Variants in PRKG1 observed in about 807,000 individuals in gnomAD.
PRKG1 encodes the protein cGMP-dependent protein kinase 1.
In PRKG1, 35 loss-of-function variants were observed where a neutral mutation model predicts 88.1. That is an observed-to-expected ratio of 0.40 (90% CI 0.30 to 0.53). The LOEUF (loss-of-function observed/expected upper bound fraction) is 0.53, where lower values mean the gene tolerates loss of function less well. PRKG1 is among the 20% of genes least tolerant of loss of function. The pLI is 0.59. For synonymous variants in PRKG1, 303 were observed against 292.5 expected (o/e 1.04, Z -0.37); for missense variants, 540 against 839.8 (o/e 0.64, Z 4.41).
chr10:51,739,257 G>A (rs554179205), intron 3 of PRKG1, among the ~76,000 whole-genome samples: 1 of 151,948 alleles, frequency 6.6e-6, no homozygotes, highest in Non-Finnish European at 1.5e-5. Context: ...TGGTAAATAG[G>A]CAGATAATGG....
chr10:51,973,179 A>AG (rs1843750350), intron 5 of PRKG1, among the ~76,000 whole-genome samples: 1 of 152,178 alleles, frequency 6.6e-6, no homozygotes, highest in Admixed American at 6.5e-5. Context: ...CCATGGCTTC[A>AG]TTAGCACCTC....
chr10:51,809,013 G>C (rs559499475), intron 4 of PRKG1, among the ~76,000 whole-genome samples: 1 of 152,032 alleles, frequency 6.6e-6, no homozygotes, highest in East Asian at 1.9e-4. Flanking sequence ...GAATAAACAC[G>C]TAAGTTTGGA....
chr10:51,723,109 T>G (rs1842052073), intron 3 of PRKG1, among the ~76,000 whole-genome samples: 2 of 152,224 alleles, frequency 1.3e-5, no homozygotes, highest in Admixed American at 1.3e-4. Flanking sequence ...TTGTCATAAG[T>G]GGTCACCATA....
chr10:51,937,491 G>GT (rs1198639375), intron 5 of PRKG1, among the ~76,000 whole-genome samples: 2 of 151,964 alleles, frequency 1.3e-5, no homozygotes, highest in Admixed American at 6.6e-5. Context: ...TAAGAACTAA[G>GT]TCTTTGGTTA....
chr10:51,771,360 G>A (rs1226139278), intron 3 of PRKG1, among the ~76,000 whole-genome samples: 1 of 152,080 alleles, frequency 6.6e-6, no homozygotes, highest in Non-Finnish European at 1.5e-5. Context: ...CTTAAAAAAA[G>A]AGTTGTACCT....
intron 2 of PRKG1, among the ~76,000 whole-genome samples, chr10:51,206,689 C>T (rs1475414713): frequency 6.6e-6 from 1 of 152,166 alleles, no homozygotes; most frequent in African/African-American, 2.4e-5. Flanking sequence ...GATATTGATT[C>T]ATCTTTGCCT....
intron 4 of PRKG1, among the ~76,000 whole-genome samples, chr10:51,827,079 G>A (rs1156446887): frequency 6.6e-6 from 1 of 151,944 alleles, no homozygotes; most frequent in Non-Finnish European, 1.5e-5. Context: ...AAACATTAAG[G>A]GTACATCAAC....
At chr10:52,247,610 TC>T (rs906842583) in intron 9 of PRKG1, among the ~76,000 whole-genome samples, 1 of 152,164 alleles carries the variant, frequency 6.6e-6, no homozygotes, top group Non-Finnish European at 1.5e-5. Context: ...AATGAAAATG[TC>T]CCTCCCAGTT....
intron 2 of PRKG1, among the ~76,000 whole-genome samples, chr10:51,280,928 G>C (rs1271824616): frequency 6.6e-6 from 1 of 152,174 alleles, no homozygotes; most frequent in Non-Finnish European, 1.5e-5. Flanking sequence ...TCCTTTGGAG[G>C]GGGAGAGGTG....
At chr10:51,158,009 G>A (rs1846257425) in intron 2 of PRKG1, among the ~76,000 whole-genome samples, 1 of 151,744 alleles carries the variant, frequency 6.6e-6, no homozygotes, top group South Asian at 2.1e-4. Flanking sequence ...CATTTTCTTT[G>A]TGTTGGGAAC....
At chr10:51,072,680 G>A (rs901142938), upstream of PRKG1, among the ~76,000 whole-genome samples, 14 of 152,132 alleles carry the variant, frequency 9.2e-5, no homozygotes, top group Non-Finnish European at 1.2e-4. Context: ...GAAAAATGAA[G>A]TGTCTTGTGT....
chr10:52,212,407 T>G (rs1468082000), intron 9 of PRKG1, among the ~76,000 whole-genome samples: 4 of 152,164 alleles, frequency 2.6e-5, no homozygotes, highest in African/African-American at 9.7e-5. Flanking sequence ...TAACCTTAAT[T>G]TAACACTGGT....
At chr10:52,059,403 A>C (rs1846183192) in intron 6 of PRKG1, among the ~76,000 whole-genome samples, 1 of 147,792 alleles carries the variant, frequency 6.8e-6, no homozygotes, top group African/African-American at 2.5e-5. Context: ...TGCCAAAACT[A>C]GAAATAAACA....
chr10:52,084,060 G>A (rs966728155), intron 7 of PRKG1, among the ~76,000 whole-genome samples: 12 of 151,968 alleles, frequency 7.9e-5, no homozygotes, highest in Non-Finnish European at 1.5e-4. Context: ...AATATAGACA[G>A]GACTCTGGGG....
chr10:51,541,334 T>C (rs989219337), intron 3 of PRKG1, among the ~76,000 whole-genome samples: 7 of 152,208 alleles, frequency 4.6e-5, no homozygotes, highest in African/African-American at 1.7e-4. Flanking sequence ...TCTCCTGCTG[T>C]GCAGTCCAGT....
intron 5 of PRKG1, among the ~76,000 whole-genome samples, chr10:51,932,261 T>C (rs1309645700): frequency 6.6e-6 from 1 of 151,774 alleles, no homozygotes; most frequent in African/African-American, 2.4e-5. Flanking sequence ...TTTCCATAGT[T>C]CCAAAAATGT....
At chr10:51,340,184 T>A (rs1588859068) in intron 2 of PRKG1, among the ~76,000 whole-genome samples, 1 of 152,132 alleles carries the variant, frequency 6.6e-6, no homozygotes, top group South Asian at 2.1e-4. Flanking sequence ...TTATGTCAGG[T>A]TAAAGACATT....
chr10:51,277,220 T>G (rs1051191791), intron 2 of PRKG1, among the ~76,000 whole-genome samples: 9 of 152,222 alleles, frequency 5.9e-5, no homozygotes, highest in African/African-American at 1.9e-4. Context: ...AAATAGGCAA[T>G]CCTTTCCCCA....
Position 52,298,067 on chromosome 10 carries a change from T to C in PRKG1, c.*4167T>C, listed in dbSNP as rs1325048686. On this transcript the variant is annotated 3_prime_UTR_variant, in exon 18 of 18. Coordinates refer to ENST00000373980, the MANE Select transcript of PRKG1 (RefSeq NM_006258.4). Reference sequence around the variant, plus strand: ...GCATCATCTATCAAATTTATTTCAATGTATGATGTTTTTACAACTGGTCAG... The same window carrying C: ...GCATCATCTATCAAATTTATTTCAACGTATGATGTTTTTACAACTGGTCAG... The C allele has an allele frequency of 6.6e-6, 1 of 152,120 alleles. No homozygotes were observed. Among genetic ancestry groups the C allele is most frequent in the African/African-American group, 2.4e-5 (1 of 41,430 alleles). The allele number at this position is 152,120 out of a possible 1,614,324, so 9.4% of individuals were successfully genotyped here.
Sources: gnomAD v4.1 joint callset for allele counts (sites outside exome capture counted in the v4.1 genomes callset) on GRCh38, gnomAD v4.1.1 for gene constraint, MANE v1.5 for transcripts, NCBI Gene and HGNC (gene_info 2026-07-23, HGNC 2026-07-21) for gene names.